MORF4L1: variants seen among roughly 807,000 people sequenced by gnomAD.
MORF4L1 encodes the protein mortality factor 4 like 1.
A neutral mutation model predicts 52.9 loss-of-function variants in MORF4L1; 4 were observed. The ratio of observed to expected loss-of-function variants is 0.08; its 90% CI spans 0.04 to 0.17. The LOEUF is 0.17. Ranked by LOEUF, MORF4L1 falls within the 10% of genes least tolerant of loss-of-function variation. MORF4L1 has a pLI of 1.00. For synonymous variants in MORF4L1, 123 were observed against 134.8 expected, an observed-to-expected ratio of 0.91 and a Z score of 0.61; for missense variants, 214 against 390.4, an observed-to-expected ratio of 0.55 and a Z score of 3.81.
At chr15:78,874,675 G>A (rs2056447982) in intron 1 of MORF4L1, among the ~76,000 whole-genome samples, 1 of 139,336 alleles carries the variant, frequency 7.2e-6, no homozygotes, top group South Asian at 2.3e-4. Flanking sequence ...CGATCCACCC[G>A]CCTCGGCCTC....
chr15:78,875,049 TTATTG>T (rs2056459670), intron 1 of MORF4L1, among the ~76,000 whole-genome samples: 1 of 152,316 alleles, frequency 6.6e-6, no homozygotes, highest in Non-Finnish European at 1.5e-5. Context: ...ATTAGGGTAG[TTATTG>T]TATTAGCAGC....
At chr15:78,888,855 A>G (rs1333139601) in intron 5 of MORF4L1, among the ~76,000 whole-genome samples, 1 of 152,052 alleles carries the variant, frequency 6.6e-6, no homozygotes, top group Non-Finnish European at 1.5e-5. Flanking sequence ...CTATTTGAGG[A>G]TTGTTCATAG....
At chr15:78,891,107 A>G (rs1043859163) in intron 6 of MORF4L1, 93 bp downstream of exon 6, 4 of 1,323,126 alleles carry the variant, frequency 3.0e-6, no homozygotes, top group Middle Eastern at 1.9e-4. Context: ...GAGTAAGCTT[A>G]TGTTTATTGA....
chr15:78,877,376 TCC>T (rs1349959928), intron 1 of MORF4L1, among the ~76,000 whole-genome samples: 2 of 152,154 alleles, frequency 1.3e-5, no homozygotes, highest in Non-Finnish European at 2.9e-5. Flanking sequence ...CACCTCGGCC[TCC>T]CTAAGTGATG....
At chr15:78,884,374 C>T (rs1251097217) in intron 3 of MORF4L1, among the ~76,000 whole-genome samples, 2 of 151,910 alleles carry the variant, frequency 1.3e-5, no homozygotes, top group Admixed American at 6.6e-5. Context: ...TGTAGTGGCG[C>T]GCACCTGTAG....
intron 7 of MORF4L1, 105 bp downstream of exon 7, chr15:78,891,677 T>A: frequency 1.1e-6 from 1 of 884,696 alleles, no homozygotes; most frequent in East Asian, 2.7e-5. Context: ...CTTACATGGT[T>A]AATACCTGAA....
chr15:78,894,039 A>G lies in MORF4L1; in HGVS notation c.630-19A>G. 1 of 1,600,076 alleles carries G rather than the reference A, an allele frequency of 6.2e-7. No individual in the cohort carries two copies. Among genetic ancestry groups the G allele is most frequent in the South Asian group, 1.1e-5 (1 of 89,366 alleles). On this transcript the variant is annotated intron_variant, in intron 9 of 11. Coordinates refer to ENST00000426013, the MANE Select transcript of MORF4L1 (RefSeq NM_006791.4). ...TATTTTTATTGACCAGTTTTGGAAT[A>G]TTTTTGTTCATTTATCAGGGAGTAT...
chr15:78,878,831 CT>C (rs2056544412), intron 2 of MORF4L1, among the ~76,000 whole-genome samples: 1 of 152,058 alleles, frequency 6.6e-6, no homozygotes, highest in African/African-American at 2.4e-5. Context: ...TTTCTGATAA[CT>C]TTTTTAGTAC....
At chr15:78,889,288 G>T (rs1373468334) in intron 5 of MORF4L1, among the ~76,000 whole-genome samples, 2 of 152,190 alleles carry the variant, frequency 1.3e-5, no homozygotes, top group Non-Finnish European at 2.9e-5. Context: ...TGAAGTGTAT[G>T]GGTTGAATAT....
intron 2 of MORF4L1, among the ~76,000 whole-genome samples, chr15:78,879,879 C>G (rs2056570177): frequency 6.6e-6 from 1 of 152,102 alleles, no homozygotes; most frequent in Non-Finnish European, 1.5e-5. Context: ...GATTTTTCTC[C>G]TGGCACCTGA....
intron 8 of MORF4L1, among the ~76,000 whole-genome samples, chr15:78,893,225 AT>A (rs2056830209): frequency 6.6e-6 from 1 of 152,208 alleles, no homozygotes; most frequent in African/African-American, 2.4e-5. Flanking sequence ...ACAGATTGAC[AT>A]TTTTAAAAGC....
At chr15:78,891,149 A>G in intron 6 of MORF4L1, 135 bp downstream of exon 6, 1 of 1,107,908 alleles carries the variant, frequency 9.0e-7, no homozygotes, top group Non-Finnish European at 1.3e-6. Flanking sequence ...CAGCAGTGTT[A>G]TAAAATAGGT....
intron 1 of MORF4L1, 21 bp from the exon 2 acceptor site, chr15:78,878,192 G>T: frequency 6.2e-7 from 1 of 1,603,512 alleles, no homozygotes; most frequent in South Asian, 1.1e-5. Flanking sequence ...TTACAATTCA[G>T]TACTTTTTCT....
intron 6 of MORF4L1, 39 bp downstream of exon 6, chr15:78,891,053 C>G (rs998788317): frequency 2.0e-6 from 3 of 1,465,526 alleles, no homozygotes; most frequent in African/African-American, 2.8e-5. Flanking sequence ...TTTATGTTAC[C>G]TCTATGACAT....
chr15:78,878,602 C>G (rs536572413), intron 2 of MORF4L1, among the ~76,000 whole-genome samples: 34 of 152,216 alleles, frequency 2.2e-4, no homozygotes, highest in African/African-American at 8.2e-4. Flanking sequence ...GTAATATATG[C>G]TGAGTAAGCA....
At chr15:78,879,747 G>T (rs543641331) in intron 2 of MORF4L1, among the ~76,000 whole-genome samples, 3 of 151,198 alleles carry the variant, frequency 2.0e-5, no homozygotes, top group Admixed American at 6.6e-5. Flanking sequence ...AGATCAGTCT[G>T]GGCAAGATAG....
intron 6 of MORF4L1, 70 bp downstream of exon 6, chr15:78,891,084 C>G (rs2056793321): frequency 7.0e-7 from 1 of 1,427,134 alleles, no homozygotes; most frequent in Non-Finnish European, 9.5e-7. Flanking sequence ...ATTTTGAAAG[C>G]TATGAAATTT....
chr15:78,875,754 C>G (rs2056474056), intron 1 of MORF4L1, among the ~76,000 whole-genome samples: 1 of 149,046 alleles, frequency 6.7e-6, no homozygotes, highest in South Asian at 2.2e-4. Context: ...CCATCGCACT[C>G]CAGCCTGGGC....
chr15:78,891,093 T>C, intron 6 of MORF4L1, 79 bp downstream of exon 6: 1 of 1,398,740 alleles, frequency 7.1e-7, no homozygotes, highest in Non-Finnish European at 9.8e-7. Context: ...GCTATGAAAT[T>C]TTGGAGTAAG....
Sources: gnomAD v4.1 joint callset for allele counts (sites outside exome capture counted in the v4.1 genomes callset) on GRCh38, gnomAD v4.1.1 for gene constraint, MANE v1.5 for transcripts, NCBI Gene and HGNC (gene_info 2026-07-23, HGNC 2026-07-21) for gene names.